Variants in TIPRL observed in about 807,000 individuals in gnomAD.
The protein encoded by TIPRL is TOR signaling pathway regulator.
In TIPRL, 10 loss-of-function variants were observed where a neutral mutation model predicts 32.3. The observed-to-expected ratio is 0.31, with a 90% CI of 0.19 to 0.52. The LOEUF is 0.52. Among genes scored for constraint, TIPRL ranks in the 20% least tolerant of loss-of-function variants. The pLI, the probability that TIPRL is intolerant of heterozygous loss-of-function variation, is 0.96. For missense variants in TIPRL, 250 were observed against 328.1 expected (o/e 0.76, Z 1.84); for synonymous variants, 100 against 114.0 (o/e 0.88, Z 0.78).
At position 168,189,438 on chromosome 1, in the gene TIPRL, C is replaced by T. The variant is rs192997489; in HGVS notation, c.385-1931C>T. ...TCAGCTCACTGCAACCTCTGCCCCG[C>T]GGGTTCAAGCGATTCTCCTGCCTCA... is the stretch of plus-strand genomic sequence containing the variant. On this transcript the variant is annotated intron_variant, in intron 3 of 6. Transcript: ENST00000367833. Among the ~76,000 whole-genome samples, 5 of 152,244 alleles carry T rather than the reference C, an allele frequency of 3.3e-5. No homozygotes were observed. The East Asian group carries it at 7.7e-4, about 23-fold the overall frequency.
intron 6 of TIPRL, 30 bp from the exon 7 acceptor site, chr1:168,199,873 A>G (rs770256948): frequency 1.3e-6 from 2 of 1,597,226 alleles, no homozygotes; most frequent in South Asian, 2.3e-5. Flanking sequence ...CAGTAACTGA[A>G]TATGCTAATA....
rs143876334 is a variant in TIPRL, at chr1:168,180,646, C to A, written c.104+1465C>A. The stretch of plus-strand genomic sequence containing the variant: ...CAGGGAAGAGAGGAAAGTAATGAAA[C>A]GATGTTTGCTTCCTAATTCAAGAAA... On this transcript the variant is annotated intron_variant, in intron 1 of 6. Transcript: ENST00000367833. Among the ~76,000 whole-genome samples, 620 of 151,982 alleles carry A rather than the reference C, an allele frequency of 4.1e-3. 4 individuals are homozygous for A. The highest frequency in any genetic ancestry group is 9.5e-3 in the Admixed American group (145 of 15,260).
Position 168,192,006 on chromosome 1 carries a change from G to T in TIPRL, c.516+506G>T, listed in dbSNP as rs148091828. ...ATTCTTAAGGCTTTATTTTAGCAAA[G>T]CATTTTTAATAGACCTGCCTGGCCA... On this transcript the variant is annotated intron_variant, in intron 4 of 6. Coordinates refer to ENST00000367833, the MANE Select transcript of TIPRL (RefSeq NM_152902.5). 1.8e-3 allele frequency among the ~76,000 whole-genome samples: 271 copies of T among 151,920 alleles called. 2 individuals carry two copies. Among genetic ancestry groups the T allele is most frequent in the African/African-American group, 6.3e-3 (262 of 41,408 alleles).
intron 5 of TIPRL, among the ~76,000 whole-genome samples, chr1:168,196,933 T>C (rs972272316): frequency 6.6e-6 from 1 of 152,206 alleles, no homozygotes; most frequent in African/African-American, 2.4e-5. Context: ...AAGAAAACTG[T>C]CCTTTAACTC....
intron 4 of TIPRL, chr1:168,192,115 A>G: frequency 3.1e-6 from 4 of 1,281,768 alleles, no homozygotes; most frequent in South Asian, 2.2e-5. Flanking sequence ...TGATGTTGAT[A>G]GGATCTGCAG....
intron 4 of TIPRL, 23 bp from the exon 5 acceptor site, chr1:168,196,524 T>C (rs952644099): frequency 5.6e-6 from 8 of 1,433,938 alleles, no homozygotes; most frequent in Non-Finnish European, 7.4e-6. Context: ...AAAATATTAA[T>C]GTACCTTTTT....
chr1:168,191,804 G>A (rs1200647082), intron 4 of TIPRL, among the ~76,000 whole-genome samples: 6 of 149,440 alleles, frequency 4.0e-5, no homozygotes, highest in Admixed American at 2.0e-4. Flanking sequence ...CCCAAGAGGC[G>A]GAGCTTGCAG....
Position 168,191,428 on chromosome 1 carries a change from GT to G in TIPRL, c.450del (p.Phe150LeufsTer19). 1 of 1,532,134 alleles carries G rather than the reference GT, an allele frequency of 6.5e-7. No individual in the cohort carries two copies. 94.9% of individuals were successfully genotyped at this position (1,532,134 alleles called of 1,614,324 possible). On this transcript the variant is annotated frameshift_variant, in exon 4 of 7. Coordinates refer to ENST00000367833, the MANE Select transcript of TIPRL (RefSeq NM_152902.5). LOFTEE classifies it high-confidence loss of function. ...EKLKAREQIKFFEEVLLFEDE... is the reference protein window; with the variant it reads ...EKLKAREQIKXFEEVLLFEDE... ...AATTGAAAGCCAGAGAACAGATTAAGTTTTTTGAAGAAGTTCTCCTTTTTGA... is the reference window on the plus strand; with the variant it reads ...AATTGAAAGCCAGAGAACAGATTAAGTTTTTGAAGAAGTTCTCCTTTTTGA...
Position 168,184,778 on chromosome 1 carries a change from G to A in TIPRL, c.285-1G>A. 1 of 1,601,510 alleles carries A rather than the reference G, an allele frequency of 6.2e-7. No homozygotes were observed. The highest frequency in any genetic ancestry group is 8.5e-7 in the Non-Finnish European group (1 of 1,170,362). On this transcript the variant is annotated splice_acceptor_variant, in intron 2 of 6. Transcript: ENST00000367833. LOFTEE classifies it high-confidence loss of function. ...TGATCCTTCTCATTTTGGTATTTGA[G>A]GACGGAGGGTGAACACTCCAAAGAG...
At chr1:168,187,828 C>T (rs1038343508) in intron 3 of TIPRL, among the ~76,000 whole-genome samples, 1 of 151,838 alleles carries the variant, frequency 6.6e-6, no homozygotes, top group African/African-American at 2.4e-5. Context: ...GAAAAATTGG[C>T]GGGTCTGGTG....
intron 4 of TIPRL, chr1:168,192,511 C>T (rs112719411): frequency 7.4e-6 from 5 of 679,604 alleles, no homozygotes; most frequent in African/African-American, 3.9e-5. Flanking sequence ...CTTTAAGACC[C>T]AAAGACCCAG....
chr1:168,200,161 C>A lies in TIPRL; in HGVS notation c.*115C>A, dbSNP rs1700194874. 12 of 1,147,716 alleles carry A rather than the reference C, an allele frequency of 1.0e-5. No homozygotes were observed. The highest frequency in any genetic ancestry group is 2.9e-5 in the Admixed American group (1 of 34,094). 71.1% of individuals were successfully genotyped at this position (1,147,716 alleles called of 1,614,324 possible). A position where few individuals can be genotyped will look rare whatever the true frequency, so the allele number is the denominator to read the frequency against. On this transcript the variant is annotated 3_prime_UTR_variant, in exon 7 of 7. Transcript: ENST00000367833. The stretch of plus-strand genomic sequence containing the variant: ...TTGTTTATGTACAGATTTTCTGTAG[C>A]CTTAAAGGAAAAAAAAATAAAGATC...
At chr1:168,190,382 A>T (rs1700080030) in intron 3 of TIPRL, among the ~76,000 whole-genome samples, 1 of 152,188 alleles carries the variant, frequency 6.6e-6, no homozygotes, top group Non-Finnish European at 1.5e-5. Flanking sequence ...TTTTCCCCCT[A>T]CATTACTTAA....
chr1:168,199,227 A>G (rs1700185570), intron 6 of TIPRL, among the ~76,000 whole-genome samples: 1 of 152,106 alleles, frequency 6.6e-6, no homozygotes. Context: ...TGTTCTAGAG[A>G]AATTGAAACC....
Position 168,196,541 on chromosome 1 carries a change from T to C in TIPRL, c.517-6T>C, listed in dbSNP as rs776062741. ...AATATTAATGTACCTTTTTTTTTTTTTCCAGAGAGTAATGCCTTCTAGCTT... is the reference window on the plus strand; with the variant it reads ...AATATTAATGTACCTTTTTTTTTTTCTCCAGAGAGTAATGCCTTCTAGCTT... On this transcript the variant is annotated splice_region_variant and splice_polypyrimidine_tract_variant and intron_variant, in intron 4 of 6. Coordinates refer to ENST00000367833, the MANE Select transcript of TIPRL (RefSeq NM_152902.5). 3.3e-6 allele frequency: 5 copies of C among 1,524,490 alleles called. No homozygotes were observed. The highest frequency in any genetic ancestry group is 4.4e-6 in the Non-Finnish European group (5 of 1,138,604). 94.4% of individuals were successfully genotyped at this position (1,524,490 alleles called of 1,614,324 possible).
chr1:168,184,708 T>A, intron 2 of TIPRL, 71 bp from the exon 3 acceptor site: 1 of 878,516 alleles, frequency 1.1e-6, no homozygotes, highest in Admixed American at 2.3e-5. Flanking sequence ...TATAATTTGA[T>A]GTGATATATA....
chr1:168,189,717 T>C (rs1202596885), intron 3 of TIPRL, among the ~76,000 whole-genome samples: 3 of 152,188 alleles, frequency 2.0e-5, no homozygotes, highest in African/African-American at 7.2e-5. Flanking sequence ...GAGAGAGATA[T>C]GTGGAGTTGA....
intron 1 of TIPRL, among the ~76,000 whole-genome samples, 164 bp downstream of exon 1, chr1:168,179,345 T>G (rs1397033391): frequency 6.6e-6 from 1 of 152,182 alleles, no homozygotes; most frequent in Non-Finnish European, 1.5e-5. Flanking sequence ...CAGTCACACT[T>G]CCGGGCCCTT....
At chr1:168,186,299 C>T (rs1700027360) in intron 3 of TIPRL, among the ~76,000 whole-genome samples, 1 of 151,656 alleles carries the variant, frequency 6.6e-6, no homozygotes, top group East Asian at 2.0e-4. Flanking sequence ...AGTTCGAGAC[C>T]AGCTTGGCCA....
Sources: gnomAD v4.1 joint callset for allele counts (sites outside exome capture counted in the v4.1 genomes callset) on GRCh38, gnomAD v4.1.1 for gene constraint, MANE v1.5 for transcripts, NCBI Gene and HGNC (gene_info 2026-07-23, HGNC 2026-07-21) for gene names.